INSC: variants seen among roughly 807,000 people sequenced by gnomAD.
INSC encodes INSC spindle orientation adaptor protein, also known as protein inscuteable homolog.
A neutral mutation model predicts 58.6 loss-of-function variants in INSC; 67 were observed. The observed-to-expected ratio is 1.14, with a 90% confidence interval of 0.94 to 1.40. The LOEUF is 1.40. Among genes scored for constraint, INSC ranks in the 40% most tolerant of loss-of-function variants. The probability of loss-of-function intolerance (pLI) is 0.00; values close to 1 mark genes in which losing one functional copy is unlikely to be tolerated. For missense variants in INSC, 714 were observed against 692.0 expected (o/e 1.03, Z -0.36); for synonymous variants, 262 against 276.1 (o/e 0.95, Z 0.51).
chr11:15,225,639 T>G lies in INSC; in HGVS notation c.992-11T>G. The G allele has an allele frequency of 1.0e-5, 16 of 1,607,572 alleles. No homozygotes were observed. The highest frequency in any genetic ancestry group is 1.3e-5 in the Non-Finnish European group (15 of 1,176,472). On this transcript the variant is annotated splice_polypyrimidine_tract_variant and intron_variant, in intron 8 of 12. Coordinates refer to ENST00000379556, the MANE Select transcript of INSC (RefSeq NM_001042536.3). ...GGCACGGAAGTTATTTTCTTTCTCT[T>G]TGCCATCCAGAACTGTGCCAAGAGG...
At chr11:15,216,788 G>C (rs900949887) in intron 7 of INSC, among the ~76,000 whole-genome samples, 1 of 152,106 alleles carries the variant, frequency 6.6e-6, no homozygotes, top group Non-Finnish European at 1.5e-5. Flanking sequence ...AGGACTTCTG[G>C]AGAGAAGCCC....
chr11:15,139,778 G>A (rs1848326028), intron 1 of INSC, among the ~76,000 whole-genome samples: 1 of 152,240 alleles, frequency 6.6e-6, no homozygotes, highest in Admixed American at 6.5e-5. Context: ...AACCAACAGA[G>A]CTCTGGATGA....
chr11:15,139,240 A>G (rs987288396), intron 1 of INSC, among the ~76,000 whole-genome samples: 4 of 152,054 alleles, frequency 2.6e-5, no homozygotes, highest in African/African-American at 7.2e-5. Flanking sequence ...GAGCGATTCA[A>G]TTTTCTCTAA....
At chr11:15,250,211 A>G (rs1852635802), downstream of INSC, among the ~76,000 whole-genome samples, 1 of 152,200 alleles carries the variant, frequency 6.6e-6, no homozygotes. Flanking sequence ...GGATTCCTCC[A>G]TGAGTTAAAA....
At chr11:15,214,351 G>C (rs10766214) in intron 7 of INSC, among the ~76,000 whole-genome samples, 1 of 151,998 alleles carries the variant, frequency 6.6e-6, no homozygotes, top group Non-Finnish European at 1.5e-5. Context: ...CTATGGCTGC[G>C]TTTTCAGTGC....
intron 9 of INSC, among the ~76,000 whole-genome samples, chr11:15,231,045 C>T (rs1419044269): frequency 6.6e-6 from 1 of 152,164 alleles, no homozygotes; most frequent in Admixed American, 6.5e-5. Flanking sequence ...GCGCCCTGGG[C>T]CCTGGGCCAT....
intron 1 of INSC, among the ~76,000 whole-genome samples, chr11:15,143,441 G>A (rs1218801520): frequency 6.6e-6 from 1 of 152,122 alleles, no homozygotes; most frequent in Non-Finnish European, 1.5e-5. Flanking sequence ...GGGAGGCGTG[G>A]CTTGCTGCAG....
rs1390448383 is a variant in INSC at position 15,134,332 on chromosome 11, T to A, written c.-45-14798T>A. Among the ~76,000 whole-genome samples the A allele has an allele frequency of 2.4e-4, 36 of 152,150 alleles. 1 individual carries two copies. The highest frequency in any genetic ancestry group is 2.4e-3 in the Admixed American group (36 of 15,272). ...ATTGACTGAAGCATACATCCCAACT[T>A]TGGTTGTTAAAATATGAAAAAAAGA... On this transcript the variant is annotated intron_variant, in intron 1 of 12. Coordinates refer to ENST00000379556, the MANE Select transcript of INSC (RefSeq NM_001042536.3).
At chr11:15,248,612 T>A (rs183507522), downstream of INSC, among the ~76,000 whole-genome samples, 1 of 152,296 alleles carries the variant, frequency 6.6e-6, no homozygotes, top group East Asian at 1.9e-4. Flanking sequence ...AATCGCAGCC[T>A]TTTGCATTCA....
At chr11:15,143,930 G>C (rs1848431560) in intron 1 of INSC, among the ~76,000 whole-genome samples, 1 of 152,140 alleles carries the variant, frequency 6.6e-6, no homozygotes, top group Non-Finnish European at 1.5e-5. Flanking sequence ...TGCATGCCAG[G>C]TACAGAGGAA....
intron 1 of INSC, among the ~76,000 whole-genome samples, chr11:15,117,030 C>T (rs180954570): frequency 0.013 from 1,903 of 149,552 alleles, 22 homozygotes; most frequent in South Asian, 0.048. Flanking sequence ...GCAACCTCTG[C>T]CCCCCGGATT....
chr11:15,238,688 A>T (rs891425058), intron 10 of INSC, among the ~76,000 whole-genome samples: 3 of 152,234 alleles, frequency 2.0e-5, no homozygotes, highest in African/African-American at 7.2e-5. Context: ...GCATTAAAAA[A>T]TAAAGATGTC....
At chr11:15,112,021 G>A (rs987046856), upstream of INSC, among the ~76,000 whole-genome samples, 7 of 152,206 alleles carry the variant, frequency 4.6e-5, no homozygotes, top group Admixed American at 3.9e-4. Flanking sequence ...CTTTGTGTCT[G>A]GATGTGTCTG....
chr11:15,173,931 T>G (rs753897827), intron 2 of INSC, among the ~76,000 whole-genome samples: 9 of 152,198 alleles, frequency 5.9e-5, no homozygotes, highest in Non-Finnish European at 1.3e-4. Context: ...GGAGTCTGCC[T>G]TATAATTTCA....
chr11:15,222,678 C>T, intron 8 of INSC, among the ~76,000 whole-genome samples: 1 of 152,186 alleles, frequency 6.6e-6, no homozygotes, highest in East Asian at 1.9e-4. Flanking sequence ...TCTCAAGGGT[C>T]CTTCTAACTC....
upstream of INSC, among the ~76,000 whole-genome samples, chr11:15,114,759 G>A (rs1847649936): frequency 6.6e-6 from 1 of 152,112 alleles, no homozygotes. Flanking sequence ...GGAGACAGCA[G>A]GCAGCCGTGG....
intron 2 of INSC, among the ~76,000 whole-genome samples, chr11:15,153,212 T>A (rs577470331): frequency 6.6e-6 from 1 of 152,356 alleles, no homozygotes; most frequent in African/African-American, 2.4e-5. Context: ...CCTGGATTTG[T>A]AGCAAGTATA....
chr11:15,256,092 G>T, the INSC span, among the ~76,000 whole-genome samples: 143 of 152,290 alleles, frequency 9.4e-4, no homozygotes, highest in African/African-American at 3.2e-3. Flanking sequence ...TGGAGCATGG[G>T]AGTCCCACTA....
intron 7 of INSC, among the ~76,000 whole-genome samples, chr11:15,202,582 C>G (rs771026171): frequency 4.2e-4 from 64 of 152,166 alleles, no homozygotes; most frequent in Non-Finnish European, 1.3e-4. Flanking sequence ...CTCCCTTCTC[C>G]TATAAAACTT....
Sources: gnomAD v4.1 joint callset for allele counts (sites outside exome capture counted in the v4.1 genomes callset) on GRCh38, gnomAD v4.1.1 for gene constraint, MANE v1.5 for transcripts, NCBI Gene and HGNC (gene_info 2026-07-23, HGNC 2026-07-21) for gene names.